Variants in DYM observed in about 807,000 individuals in gnomAD.
The protein encoded by DYM is dymeclin.
DYM carries 78 observed loss-of-function variants against 93.1 expected under a neutral mutation model. The observed-to-expected ratio is 0.84, with a 90% CI of 0.70 to 1.01. The LOEUF is 1.01. Among genes scored for constraint, DYM ranks in the 50% least tolerant of loss-of-function variants. DYM has a pLI of 0.00. For missense variants in DYM, 789 were observed against 845.0 expected (o/e 0.93, Z 0.82); for synonymous variants, 321 against 319.7 (o/e 1.00, Z -0.04).
chr18:49,303,584 C>T (rs1186321929), intron 8 of DYM, among the ~76,000 whole-genome samples: 3 of 152,086 alleles, frequency 2.0e-5, no homozygotes, highest in Non-Finnish European at 2.9e-5. Context: ...CTTTGGTGCA[C>T]GTGGCCCTTT....
chr18:49,302,166 A>G (rs1383541222), intron 8 of DYM, among the ~76,000 whole-genome samples: 3 of 152,218 alleles, frequency 2.0e-5, no homozygotes, highest in African/African-American at 7.2e-5. Context: ...AACAAAGACA[A>G]TATTAATCAG....
intron 14 of DYM, among the ~76,000 whole-genome samples, chr18:49,193,071 T>TAA (rs1453599651): frequency 6.6e-6 from 1 of 152,188 alleles, no homozygotes; most frequent in Admixed American, 6.5e-5. Flanking sequence ...CAAAAAATGT[T>TAA]AAATATCGAG....
intron 10 of DYM, among the ~76,000 whole-genome samples, chr18:49,277,540 G>A (rs192132898): frequency 6.6e-6 from 1 of 152,250 alleles, no homozygotes; most frequent in South Asian, 2.1e-4. Flanking sequence ...TAAGAGGTGG[G>A]GCCCTTGGGA....
At chr18:49,394,780 G>A (rs1161814599) in intron 2 of DYM, among the ~76,000 whole-genome samples, 1 of 151,816 alleles carries the variant, frequency 6.6e-6, no homozygotes, top group Non-Finnish European at 1.5e-5. Flanking sequence ...TTTTTTAATA[G>A]CTACTGTAAA....
At chr18:49,446,989 G>A (rs772621911) in intron 1 of DYM, among the ~76,000 whole-genome samples, 4 of 151,636 alleles carry the variant, frequency 2.6e-5, no homozygotes, top group African/African-American at 4.8e-5. Context: ...AAACCGGGAG[G>A]TAGAGGCTGC....
chr18:49,296,356 C>G (rs903820923), intron 8 of DYM, among the ~76,000 whole-genome samples: 15 of 152,174 alleles, frequency 9.9e-5, no homozygotes, highest in Admixed American at 3.9e-4. Flanking sequence ...GCTTGCTGTG[C>G]CCAAATGTGT....
chr18:49,083,430 TTG>T (rs2078229343), intron 17 of DYM, among the ~76,000 whole-genome samples: 1 of 152,228 alleles, frequency 6.6e-6, no homozygotes, highest in Non-Finnish European at 1.5e-5. Flanking sequence ...AAGGATTTTT[TTG>T]TGTCTCTGTT....
At chr18:49,415,749 G>A (rs8093597) in intron 2 of DYM, among the ~76,000 whole-genome samples, 5,503 of 151,900 alleles carry the variant, frequency 0.036, 316 homozygotes, top group African/African-American at 0.12. Flanking sequence ...CCAACATGGT[G>A]AAACCCTGTC....
At chr18:49,434,516 A>G (rs1279268247) in intron 1 of DYM, among the ~76,000 whole-genome samples, 1 of 152,032 alleles carries the variant, frequency 6.6e-6, no homozygotes, top group Non-Finnish European at 1.5e-5. Context: ...GCTAAACTCC[A>G]TCTCAAAAAA....
At chr18:49,362,178 T>A (rs2066093409) in intron 6 of DYM, among the ~76,000 whole-genome samples, 1 of 151,998 alleles carries the variant, frequency 6.6e-6, no homozygotes, top group Admixed American at 6.6e-5. Flanking sequence ...TACTTTTTTT[T>A]AAAGGTGGAG....
intron 2 of DYM, among the ~76,000 whole-genome samples, chr18:49,423,527 C>T (rs1243538708): frequency 6.6e-6 from 1 of 151,982 alleles, no homozygotes; most frequent in African/African-American, 2.4e-5. Context: ...TGGCAGAAGG[C>T]AAGAAATAAC....
At chr18:49,438,436 T>G (rs1449301469) in intron 1 of DYM, among the ~76,000 whole-genome samples, 1 of 152,168 alleles carries the variant, frequency 6.6e-6, no homozygotes, top group Non-Finnish European at 1.5e-5. Context: ...GGCCAGAAGC[T>G]GTGAAGAATC....
intron 2 of DYM, among the ~76,000 whole-genome samples, chr18:49,415,576 G>C (rs540291293): frequency 2.0e-5 from 3 of 152,076 alleles, no homozygotes; most frequent in African/African-American, 7.2e-5. Context: ...CTAGTGCTCA[G>C]TACACATAAT....
At chr18:49,323,146 T>A (rs2062626776) in intron 8 of DYM, among the ~76,000 whole-genome samples, 1 of 152,234 alleles carries the variant, frequency 6.6e-6, no homozygotes, top group African/African-American at 2.4e-5. Context: ...AGGGGCTCCT[T>A]ACACATTTTG....
intron 8 of DYM, among the ~76,000 whole-genome samples, chr18:49,312,755 G>T (rs922967017): frequency 1.3e-5 from 2 of 152,106 alleles, no homozygotes; most frequent in African/African-American, 2.4e-5. Flanking sequence ...ACCCAGGCGG[G>T]GCATCACCAC....
intron 2 of DYM, among the ~76,000 whole-genome samples, chr18:49,413,835 C>A (rs960936391): frequency 1.3e-5 from 2 of 152,032 alleles, no homozygotes; most frequent in African/African-American, 4.8e-5. Context: ...CATGGTGAAA[C>A]CCCGTCTCCA....
intron 16 of DYM, among the ~76,000 whole-genome samples, chr18:49,108,729 AAGTTGGTGGTT>A (rs2081114708): frequency 2.0e-5 from 3 of 152,158 alleles, no homozygotes; most frequent in African/African-American, 7.2e-5. Flanking sequence ...TGAACTCATC[AAGTTGGTGGTT>A]AGTATTGTTT....
intron 17 of DYM, among the ~76,000 whole-genome samples, chr18:49,080,001 C>T (rs2077678908): frequency 6.6e-6 from 1 of 150,624 alleles, no homozygotes; most frequent in African/African-American, 2.4e-5. Context: ...GCGCCCCTCA[C>T]CTCCCGGACG....
At chr18:49,453,659 G>C (rs926269128) in intron 1 of DYM, among the ~76,000 whole-genome samples, 2 of 152,118 alleles carry the variant, frequency 1.3e-5, no homozygotes, top group Admixed American at 6.5e-5. Context: ...CCTTCTAACT[G>C]AAATACTGGA....
Sources: gnomAD v4.1 joint callset for allele counts (sites outside exome capture counted in the v4.1 genomes callset) on GRCh38, gnomAD v4.1.1 for gene constraint, MANE v1.5 for transcripts, NCBI Gene and HGNC (gene_info 2026-07-23, HGNC 2026-07-21) for gene names.